The following ANO2 variants were observed in gnomAD, a reference collection of about 807,000 sequenced individuals.
ANO2 encodes anoctamin 2.
ANO2 carries 101 observed loss-of-function variants against 124.2 expected under a neutral mutation model. That is an observed-to-expected ratio of 0.81 (90% CI 0.69 to 0.96). The LOEUF (loss-of-function observed/expected upper bound fraction) is 0.96. ANO2 is among the 40% of genes least tolerant of loss of function. ANO2 has a pLI of 0.00. For missense variants in ANO2, 1,293 were observed against 1,274.5 expected (o/e 1.01, Z -0.22); for synonymous variants, 486 against 482.5 (o/e 1.01, Z -0.09).
At chr12:5,587,048 G>A (rs932441200) in intron 20 of ANO2, among the ~76,000 whole-genome samples, 2 of 152,170 alleles carry the variant, frequency 1.3e-5, no homozygotes, top group Admixed American at 6.5e-5. Flanking sequence ...GAAAGGTAAC[G>A]TCTGCAGAGT....
At chr12:5,668,059 G>T (rs1340204374) in intron 14 of ANO2, among the ~76,000 whole-genome samples, 4 of 152,098 alleles carry the variant, frequency 2.6e-5, no homozygotes, top group African/African-American at 7.2e-5. Context: ...ATTCCTTCGG[G>T]TATATACTCA....
At chr12:5,614,872 G>T (rs74056068) in intron 17 of ANO2, among the ~76,000 whole-genome samples, 35,506 of 152,072 alleles carry the variant, frequency 0.23, 4,333 homozygotes, top group African/African-American at 0.29. Flanking sequence ...CAAGATCCAG[G>T]AGCCACTGGC....
Position 5,610,723 on chromosome 12 carries a change from C to CATATATATATATATAT in ANO2, c.2087+1917_2087+1932dup, listed in dbSNP as rs377499491. Among the ~76,000 whole-genome samples the CATATATATATATATAT allele has an allele frequency of 3.8e-4, 44 of 116,900 alleles. 1 individual carries two copies. The highest frequency in any genetic ancestry group is 1.2e-3 in the African/African-American group (37 of 29,688). 76.7% of individuals were successfully genotyped at this position (116,900 alleles called of 152,430 possible). A position where few individuals can be genotyped will look rare whatever the true frequency, so the allele number is the denominator to read the frequency against. ...ATACATGTATGTGTACACATATATA[C>CATATATATATATATAT]ATATATATATATATATATATGAAAA... On this transcript the variant is annotated intron_variant, in intron 19 of 24. Transcript: ENST00000682330.
At chr12:5,709,501 C>T (rs756376892) in intron 14 of ANO2, among the ~76,000 whole-genome samples, 12 of 152,172 alleles carry the variant, frequency 7.9e-5, no homozygotes, top group Non-Finnish European at 1.2e-4. Flanking sequence ...ATCTCTACTA[C>T]AATCAGAAAG....
intron 3 of ANO2, among the ~76,000 whole-genome samples, chr12:5,863,536 T>C (rs1368306210): frequency 1.3e-5 from 2 of 152,202 alleles, no homozygotes; most frequent in Admixed American, 6.5e-5. Flanking sequence ...TAATAATTAA[T>C]AATAATACCA....
chr12:5,945,440 G>A (rs953824372), upstream of ANO2, among the ~76,000 whole-genome samples: 4 of 152,118 alleles, frequency 2.6e-5, no homozygotes, highest in Non-Finnish European at 5.9e-5. Context: ...GCGGGGCGTC[G>A]AGAATGGAGC....
At chr12:5,931,374 T>C (rs907056817) in intron 1 of ANO2, among the ~76,000 whole-genome samples, 26 of 152,258 alleles carry the variant, frequency 1.7e-4, no homozygotes, top group South Asian at 4.2e-4. Context: ...TGTTCATTCA[T>C]TGCAGACCCA....
chr12:5,635,015 T>G lies in ANO2; in HGVS notation c.1816+137A>C, dbSNP rs1384619856. 15 of 740,382 alleles carry G rather than the reference T, an allele frequency of 2.0e-5. No individual in the cohort carries two copies. The highest frequency in any genetic ancestry group is 3.0e-5 in the Non-Finnish European group (15 of 493,678). 45.9% of individuals were successfully genotyped at this position (740,382 alleles called of 1,614,324 possible). A position where few individuals can be genotyped will look rare whatever the true frequency, so the allele number is the denominator to read the frequency against. On this transcript the variant is annotated intron_variant, in intron 16 of 24. Transcript: ENST00000682330. This position sits in a 1 kb window ranked among gnomAD's most constrained non-coding sequence, Gnocchi z 5.2. ...CCTACAAATACACACACGTTGCACT[T>G]CCCCATTTCTCTAATTAAAATGCAC... is the stretch of plus-strand genomic sequence containing the variant.
intron 16 of ANO2, among the ~76,000 whole-genome samples, chr12:5,630,211 A>G (rs1011862438): frequency 6.6e-6 from 1 of 152,172 alleles, no homozygotes; most frequent in Non-Finnish European, 1.5e-5. Flanking sequence ...AGCCTCCTCA[A>G]CTATCAAGAG....
At position 5,625,462 on chromosome 12, in the gene ANO2, T is replaced by C. The variant is rs150573179; in HGVS notation, c.1816+9690A>G. ...GCACTTGGACTTTGAAGTGAGCATT[T>C]GGGTGGCTGCTGGTGCCATCTCCTG... On this transcript the variant is annotated intron_variant, in intron 16 of 24. Coordinates refer to ENST00000682330, the MANE Select transcript of ANO2 (RefSeq NM_001364791.2). Among the ~76,000 whole-genome samples the C allele has an allele frequency of 4.2e-3, 638 of 152,104 alleles. 7 individuals are homozygous for C. Among genetic ancestry groups the C allele is most frequent in the Non-Finnish European group, 5.3e-3 (363 of 67,984 alleles).
chr12:5,788,628 G>A (rs1284408843), intron 10 of ANO2, among the ~76,000 whole-genome samples: 1 of 152,250 alleles, frequency 6.6e-6, no homozygotes, highest in African/African-American at 2.4e-5. Flanking sequence ...GTGCGATCTC[G>A]GCTCACTGCA....
At chr12:5,818,364 GT>G (rs1209636273) in intron 7 of ANO2, among the ~76,000 whole-genome samples, 1 of 150,302 alleles carries the variant, frequency 6.7e-6, no homozygotes, top group Non-Finnish European at 1.5e-5. Flanking sequence ...AAGTTCTTCA[GT>G]TTTGGGACTC....
chr12:5,679,665 T>C (rs902333985), intron 14 of ANO2, among the ~76,000 whole-genome samples: 2 of 152,110 alleles, frequency 1.3e-5, no homozygotes, highest in Non-Finnish European at 2.9e-5. Context: ...TAGGAAGAAA[T>C]AGGAATGCTT....
chr12:5,671,552 G>A (rs1948005866), intron 14 of ANO2, among the ~76,000 whole-genome samples: 2 of 152,054 alleles, frequency 1.3e-5, no homozygotes, highest in South Asian at 4.2e-4. Flanking sequence ...TCTCAGGGCA[G>A]AGGGGGCAGG....
intron 3 of ANO2, among the ~76,000 whole-genome samples, chr12:5,893,478 T>C (rs1172830876): frequency 6.6e-6 from 1 of 151,330 alleles, no homozygotes; most frequent in African/African-American, 2.4e-5. Flanking sequence ...TAGTTTTTTT[T>C]CCCTTTTTTT....
chr12:5,917,726 C>T (rs547520647), intron 3 of ANO2, among the ~76,000 whole-genome samples: 32 of 152,006 alleles, frequency 2.1e-4, no homozygotes, highest in South Asian at 1.2e-3. Context: ...CACCACCACA[C>T]CCAGCTAATT....
intron 3 of ANO2, among the ~76,000 whole-genome samples, chr12:5,907,609 G>A (rs116585614): frequency 0.011 from 1,722 of 152,140 alleles, 35 homozygotes; most frequent in African/African-American, 0.039. Context: ...AATAGGAAGG[G>A]AATTCAACTC....
At chr12:5,816,849 C>T (rs1006293788) in intron 7 of ANO2, among the ~76,000 whole-genome samples, 5 of 152,178 alleles carry the variant, frequency 3.3e-5, no homozygotes, top group Admixed American at 1.3e-4. Flanking sequence ...TCTGTTTCCA[C>T]GTCTGTCTGC....
chr12:5,566,073 G>C (rs928792806), intron 23 of ANO2, among the ~76,000 whole-genome samples: 4 of 152,146 alleles, frequency 2.6e-5, no homozygotes, highest in African/African-American at 9.7e-5. Context: ...CTGCAGCCGG[G>C]GGGGTTGGGG....
Sources: gnomAD v4.1 joint callset for allele counts (sites outside exome capture counted in the v4.1 genomes callset) on GRCh38, gnomAD v4.1.1 for gene constraint, Gnocchi (gnomAD v3.1) non-coding constraint, MANE v1.5 for transcripts, NCBI Gene and HGNC (gene_info 2026-07-23, HGNC 2026-07-21) for gene names.